Variants in CHSY3 observed in about 807,000 individuals in gnomAD.
The protein encoded by CHSY3 is chondroitin sulfate synthase 3.
A neutral mutation model predicts 67.2 loss-of-function variants in CHSY3; 35 were observed. That is an observed-to-expected ratio of 0.52 (90% CI 0.40 to 0.69). The LOEUF (loss-of-function observed/expected upper bound fraction) is 0.69, where lower values mean the gene tolerates loss of function less well. Ranked by LOEUF, CHSY3 falls within the 30% of genes least tolerant of loss-of-function variation. The pLI is 0.00. For missense variants in CHSY3, 1,069 were observed against 1,138.5 expected, an observed-to-expected ratio of 0.94 and a Z score of 0.88; for synonymous variants, 474 against 434.7, an observed-to-expected ratio of 1.09 and a Z score of -1.12.
chr5:130,096,565 A>C (rs1223400766), intron 2 of CHSY3, among the ~76,000 whole-genome samples: 1 of 152,170 alleles, frequency 6.6e-6, no homozygotes, highest in Non-Finnish European at 1.5e-5. Context: ...GATGTATGGG[A>C]ATTTTCTGTA....
chr5:129,985,030 G>T (rs185431833), intron 2 of CHSY3, among the ~76,000 whole-genome samples: 1 of 151,994 alleles, frequency 6.6e-6, no homozygotes, highest in African/African-American at 2.4e-5. Flanking sequence ...GTTTAATTAG[G>T]TCCCACTTGT....
intron 2 of CHSY3, among the ~76,000 whole-genome samples, chr5:130,179,494 T>C (rs1396396199): frequency 1.3e-5 from 2 of 152,144 alleles, no homozygotes; most frequent in Non-Finnish European, 2.9e-5. Context: ...TATTTTTTTC[T>C]GATTTTATTT....
intron 2 of CHSY3, among the ~76,000 whole-genome samples, chr5:129,921,856 TCA>T (rs1249291337): frequency 6.6e-6 from 1 of 152,150 alleles, no homozygotes; most frequent in Non-Finnish European, 1.5e-5. Flanking sequence ...CATCCCAATG[TCA>T]CTGTTTCGGT....
chr5:129,966,512 T>A (rs1487739321), intron 2 of CHSY3, among the ~76,000 whole-genome samples: 1 of 151,752 alleles, frequency 6.6e-6, no homozygotes, highest in African/African-American at 2.4e-5. Flanking sequence ...TAATATGATG[T>A]TAATAAAATG....
intron 2 of CHSY3, among the ~76,000 whole-genome samples, chr5:130,119,938 T>C (rs1473682754): frequency 6.6e-6 from 1 of 152,198 alleles, no homozygotes. Flanking sequence ...TCGCTAAAAA[T>C]GTTAAAGGAG....
chr5:129,918,804 C>CG (rs1471227176), intron 2 of CHSY3, among the ~76,000 whole-genome samples: 1 of 54,068 alleles, frequency 1.8e-5, no homozygotes, highest in Non-Finnish European at 4.8e-5. Flanking sequence ...CAGTGATTCT[C>CG]TTTTAAAAAA....
intron 2 of CHSY3, among the ~76,000 whole-genome samples, chr5:130,051,422 C>A (rs1308409749): frequency 6.6e-6 from 1 of 151,904 alleles, no homozygotes; most frequent in Non-Finnish European, 1.5e-5. Context: ...ACTTTCTTAA[C>A]CAAAGAAAAA....
intron 2 of CHSY3, among the ~76,000 whole-genome samples, chr5:129,956,072 G>A (rs905132328): frequency 1.3e-5 from 2 of 152,018 alleles, no homozygotes; most frequent in Non-Finnish European, 2.9e-5. Flanking sequence ...CTGGGTTGAA[G>A]GTTCTCTAAA....
At chr5:129,993,455 A>G (rs1428399034) in intron 2 of CHSY3, among the ~76,000 whole-genome samples, 1 of 152,080 alleles carries the variant, frequency 6.6e-6, no homozygotes, top group Non-Finnish European at 1.5e-5. Context: ...TCCCTTTACC[A>G]TTATGTAATG....
At chr5:130,150,152 A>G (rs935309226) in intron 2 of CHSY3, among the ~76,000 whole-genome samples, 1 of 152,200 alleles carries the variant, frequency 6.6e-6, no homozygotes, top group African/African-American at 2.4e-5. Context: ...AAGTTTGACT[A>G]CTAGTGAGAG....
intron 2 of CHSY3, among the ~76,000 whole-genome samples, chr5:130,098,651 T>C (rs1265174426): frequency 6.6e-6 from 1 of 152,228 alleles, no homozygotes; most frequent in Non-Finnish European, 1.5e-5. Flanking sequence ...GAGTAGGTTC[T>C]AGAAGAATTT....
intron 2 of CHSY3, among the ~76,000 whole-genome samples, chr5:130,035,732 C>G (rs1764842658): frequency 6.6e-6 from 1 of 152,048 alleles, no homozygotes; most frequent in Admixed American, 6.6e-5. Context: ...AGCTTCTAAG[C>G]TAATTTCTTT....
chr5:129,952,607 T>C (rs1057187403), intron 2 of CHSY3, among the ~76,000 whole-genome samples: 1 of 152,216 alleles, frequency 6.6e-6, no homozygotes, highest in African/African-American at 2.4e-5. Context: ...ATTCTTTAAA[T>C]TCTGCAATTT....
chr5:130,008,289 C>G (rs1370771399), intron 2 of CHSY3, among the ~76,000 whole-genome samples: 1 of 152,092 alleles, frequency 6.6e-6, no homozygotes, highest in African/African-American at 2.4e-5. Context: ...CCAGTGATAG[C>G]AGGTCAGAGA....
rs1250628427 is a variant in CHSY3 at position 130,184,273 on chromosome 5, T to A, written c.1131T>A (p.Gly377=). 6.2e-7 allele frequency: 1 copy of A among 1,608,956 alleles called. No homozygotes were observed. Among genetic ancestry groups the A allele is most frequent in the East Asian group, 2.2e-5 (1 of 44,786 alleles). Residue 377 remains glycine (G), a synonymous_variant, in exon 3 of 3, where the codon GGT becomes GGA. Coordinates refer to ENST00000305031, the MANE Select transcript of CHSY3 (RefSeq NM_175856.5). ...AAAATTATGAACACAATCGGAAGGGTTACATCCAAGACCTTCACAATAGCA... is the reference window on the plus strand; with the variant it reads ...AAAATTATGAACACAATCGGAAGGGATACATCCAAGACCTTCACAATAGCA... ...FHENYEHNRK[G]YIQDLHNSKI...
chr5:130,009,402 C>T (rs1174736285), intron 2 of CHSY3, among the ~76,000 whole-genome samples: 1 of 151,830 alleles, frequency 6.6e-6, no homozygotes, highest in Non-Finnish European at 1.5e-5. Context: ...TAATCCTTTT[C>T]AGACAACCAA....
intron 2 of CHSY3, among the ~76,000 whole-genome samples, chr5:130,080,707 T>C (rs1221395909): frequency 1.3e-5 from 2 of 151,886 alleles, no homozygotes; most frequent in African/African-American, 4.8e-5. Flanking sequence ...CTGAGTGGAT[T>C]TGAGGTAATA....
intron 2 of CHSY3, among the ~76,000 whole-genome samples, chr5:130,122,935 A>C (rs1768098654): frequency 6.6e-6 from 1 of 152,182 alleles, no homozygotes; most frequent in African/African-American, 2.4e-5. Flanking sequence ...GATGATGTTA[A>C]TTGACCATAT....
At chr5:129,959,862 A>G (rs1762282092) in intron 2 of CHSY3, among the ~76,000 whole-genome samples, 1 of 151,958 alleles carries the variant, frequency 6.6e-6, no homozygotes, top group Non-Finnish European at 1.5e-5. Context: ...TTTTTACTTG[A>G]TAACAACACT....
Sources: gnomAD v4.1 joint callset for allele counts (sites outside exome capture counted in the v4.1 genomes callset) on GRCh38, gnomAD v4.1.1 for gene constraint, MANE v1.5 for transcripts, NCBI Gene and HGNC (gene_info 2026-07-23, HGNC 2026-07-21) for gene names.